KLF17: variants seen among roughly 807,000 people sequenced by gnomAD.
The protein encoded by KLF17 is KLF transcription factor 17.
KLF17 carries 31 observed loss-of-function variants against 34.2 expected under a neutral mutation model. The observed-to-expected ratio is 0.91, with a 90% CI of 0.68 to 1.22. The LOEUF is 1.22. Ranked by LOEUF, KLF17 falls within the 50% of genes most tolerant of loss-of-function variation. The probability of loss-of-function intolerance (pLI) is 0.00; values close to 1 mark genes in which losing one functional copy is unlikely to be tolerated. For synonymous variants in KLF17, 179 were observed against 186.7 expected, an observed-to-expected ratio of 0.96 and a Z score of 0.34; for missense variants, 478 against 505.2, an observed-to-expected ratio of 0.95 and a Z score of 0.52.
chr1:44,071,083 G>T, the KLF17 span, among the ~76,000 whole-genome samples: 1 of 151,988 alleles, frequency 6.6e-6, no homozygotes, highest in South Asian at 2.1e-4. Context: ...TGTCCTAACT[G>T]CTCCTCCCGA....
chr1:44,098,459 C>A, the KLF17 span, among the ~76,000 whole-genome samples: 6 of 142,848 alleles, frequency 4.2e-5, no homozygotes, highest in African/African-American at 5.1e-5. Context: ...TTATTTATTT[C>A]TCTTCTGATC....
chr1:44,103,723 T>A, the KLF17 span: 2 of 1,483,038 alleles, frequency 1.3e-6, no homozygotes, highest in South Asian at 2.3e-5. Context: ...TCGGACAGCT[T>A]GGCGTTGGCA....
chr1:44,108,489 C>T, the KLF17 span, among the ~76,000 whole-genome samples: 1 of 151,902 alleles, frequency 6.6e-6, no homozygotes, highest in Admixed American at 6.6e-5. Context: ...GAGAAGGCAG[C>T]CCACGCATTC....
chr1:44,116,181 G>A (rs376355517), upstream of KLF17, among the ~76,000 whole-genome samples: 36 of 152,280 alleles, frequency 2.4e-4, no homozygotes, highest in East Asian at 6.4e-3. Context: ...GCCCCAGGAG[G>A]AGGTGATCCT....
the KLF17 span, among the ~76,000 whole-genome samples, chr1:44,054,675 G>A: frequency 6.6e-6 from 1 of 150,944 alleles, no homozygotes; most frequent in Admixed American, 6.6e-5. Flanking sequence ...TAGAGACGGG[G>A]TTTCACCGTG....
chr1:44,097,779 G>A, the KLF17 span, among the ~76,000 whole-genome samples: 1 of 152,116 alleles, frequency 6.6e-6, no homozygotes, highest in East Asian at 1.9e-4. Context: ...TTATTGTGTT[G>A]AGGTATGTTC....
Position 44,122,146 on chromosome 1 carries a change from A to G in KLF17, c.81+3158A>G. ...GTATGACTTTGAAACAGTAATCCTG[A>G]GAGACATTATCGCCTAGGACCCCCT... On this transcript the variant is annotated intron_variant, in intron 1 of 3. Transcript: ENST00000372299. 2.0e-6 allele frequency: 3 copies of G among 1,524,318 alleles called. No homozygotes were observed. The Admixed American group carries it at 5.2e-5, about 27-fold the overall frequency. 94.4% of individuals were successfully genotyped at this position (1,524,318 alleles called of 1,614,324 possible).
chr1:44,134,580 C>T lies in KLF17; in HGVS notation c.*1343C>T, dbSNP rs1275248755. The T allele has an allele frequency of 6.6e-6, 1 of 152,178 alleles. No homozygotes were observed. The highest frequency in any genetic ancestry group is 1.5e-5 in the Non-Finnish European group (1 of 68,028). 9.4% of individuals were successfully genotyped at this position (152,178 alleles called of 1,614,324 possible). On this transcript the variant is annotated 3_prime_UTR_variant, in exon 4 of 4. Coordinates refer to ENST00000372299, the MANE Select transcript of KLF17 (RefSeq NM_173484.4). ...GACTCTAGTAGATTTTGAATCCTGC[C>T]TCTGCCATTTCCTGGCTATGAGGTG...
chr1:44,125,012 T>C lies in KLF17; in HGVS notation c.82-4341T>C, dbSNP rs2087991819. 2.0e-5 allele frequency among the ~76,000 whole-genome samples: 3 copies of C among 152,208 alleles called. No individual in the cohort carries two copies. In the South Asian group the frequency reaches 6.2e-4, roughly 32 times the overall value. On this transcript the variant is annotated intron_variant, in intron 1 of 3. Coordinates refer to ENST00000372299, the MANE Select transcript of KLF17 (RefSeq NM_173484.4). ...GTATGTCAAAAAATAAAAGTATAAA[T>C]TTTATGCATTCTTTTAAATCATGTA...
the KLF17 span, among the ~76,000 whole-genome samples, chr1:44,058,707 C>G: frequency 2.0e-5 from 2 of 99,176 alleles, no homozygotes; most frequent in Admixed American, 1.5e-4. Context: ...TTTTTTTTCC[C>G]GAGACGGAGT....
chr1:44,092,298 A>G, the KLF17 span, among the ~76,000 whole-genome samples: 4 of 136,542 alleles, frequency 2.9e-5, no homozygotes, highest in African/African-American at 1.0e-4. Context: ...GCCGAGATCG[A>G]GCCATTGCAC....
the KLF17 span, among the ~76,000 whole-genome samples, chr1:44,081,790 C>T: frequency 6.6e-6 from 1 of 152,124 alleles, no homozygotes; most frequent in African/African-American, 2.4e-5. Context: ...TTTCAGGCTC[C>T]TAGAGATTTT....
the KLF17 span, among the ~76,000 whole-genome samples, chr1:44,052,969 C>T: frequency 2.0e-5 from 3 of 150,232 alleles, no homozygotes; most frequent in Non-Finnish European, 2.9e-5. Flanking sequence ...GGCAAGATCT[C>T]GACTTGCCAC....
At chr1:44,127,177 A>G (rs1220893495) in intron 1 of KLF17, among the ~76,000 whole-genome samples, 1 of 151,776 alleles carries the variant, frequency 6.6e-6, no homozygotes, top group African/African-American at 2.4e-5. Flanking sequence ...CCAAAGAGCT[A>G]GGATCATAGG....
At chr1:44,113,649 G>A in the KLF17 span, among the ~76,000 whole-genome samples, 67,525 of 151,980 alleles carry the variant, frequency 0.44, 15,302 homozygotes, top group Middle Eastern at 0.51. Context: ...ATGGGTTAGA[G>A]GATGACCTTT....
chr1:44,094,925 C>T, the KLF17 span, among the ~76,000 whole-genome samples: 576 of 138,788 alleles, frequency 4.2e-3, 3 homozygotes, highest in African/African-American at 0.014. Flanking sequence ...TTTTTTGAGA[C>T]GGAGTCTCAC....
chr1:44,074,993 T>G, the KLF17 span: 1 of 152,140 alleles, frequency 6.6e-6, no homozygotes, highest in Non-Finnish European at 1.5e-5. Flanking sequence ...CTTCTTACCT[T>G]CAAGAGGAAT....
upstream of KLF17, among the ~76,000 whole-genome samples, chr1:44,118,307 A>G (rs144910776): frequency 6.6e-6 from 1 of 152,188 alleles, no homozygotes; most frequent in African/African-American, 2.4e-5. Flanking sequence ...CACACGGGGC[A>G]CTCAGTAAAC....
At chr1:44,102,396 T>C in the KLF17 span, among the ~76,000 whole-genome samples, 1 of 151,450 alleles carries the variant, frequency 6.6e-6, no homozygotes, top group African/African-American at 2.4e-5. Flanking sequence ...CTACTAAAAA[T>C]ACAAAAATTA....
Sources: gnomAD v4.1 joint callset for allele counts (sites outside exome capture counted in the v4.1 genomes callset) on GRCh38, gnomAD v4.1.1 for gene constraint, MANE v1.5 for transcripts, NCBI Gene and HGNC (gene_info 2026-07-23, HGNC 2026-07-21) for gene names.